DLG2: variants seen among roughly 807,000 people sequenced by gnomAD.
The protein encoded by DLG2 is disks large homolog 2.
Under a neutral mutation model 132.5 loss-of-function variants are expected in DLG2, and 45 were observed. The observed-to-expected ratio is 0.34, with a 90% CI of 0.27 to 0.44. The LOEUF is 0.44. Among genes scored for constraint, DLG2 ranks in the 20% least tolerant of loss-of-function variants. The pLI is 1.00. For missense variants in DLG2, 1,045 were observed against 1,196.9 expected, an observed-to-expected ratio of 0.87 and a Z score of 1.87; for synonymous variants, 424 against 419.6, an observed-to-expected ratio of 1.01 and a Z score of -0.13.
chr11:85,259,967 A>C (rs1479683186), intron 4 of DLG2, among the ~76,000 whole-genome samples: 1 of 152,148 alleles, frequency 6.6e-6, no homozygotes, highest in Admixed American at 6.6e-5. Context: ...GTAAATGAAG[A>C]AATATGTTGG....
At chr11:84,294,979 GT>G (rs1774388234) in intron 7 of DLG2, among the ~76,000 whole-genome samples, 1 of 152,098 alleles carries the variant, frequency 6.6e-6, no homozygotes, top group Non-Finnish European at 1.5e-5. Context: ...AAACTATATT[GT>G]TTTTACTTCA....
intron 18 of DLG2, among the ~76,000 whole-genome samples, chr11:83,660,789 A>T (rs80209808): frequency 0.028 from 4,299 of 152,210 alleles, 194 homozygotes; most frequent in African/African-American, 0.098. Flanking sequence ...AGATAAACAG[A>T]AAGTTGATAA....
At chr11:84,848,473 G>A (rs1326713438) in intron 6 of DLG2, among the ~76,000 whole-genome samples, 1 of 152,026 alleles carries the variant, frequency 6.6e-6, no homozygotes, top group Non-Finnish European at 1.5e-5. Flanking sequence ...CAGCATGTTC[G>A]ACAGAGTGAG....
At chr11:85,023,867 T>C (rs2060289602) in intron 6 of DLG2, among the ~76,000 whole-genome samples, 1 of 152,156 alleles carries the variant, frequency 6.6e-6, no homozygotes, top group Admixed American at 6.5e-5. Flanking sequence ...AGAATTATTA[T>C]GCCCATTTTA....
chr11:85,060,966 G>C (rs948369408), intron 6 of DLG2, among the ~76,000 whole-genome samples: 4 of 150,978 alleles, frequency 2.6e-5, no homozygotes, highest in Admixed American at 6.6e-5. Context: ...TTGTGGTTTT[G>C]ACTTGCATTT....
At chr11:84,013,741 C>T (rs749772423) in intron 11 of DLG2, among the ~76,000 whole-genome samples, 4 of 151,856 alleles carry the variant, frequency 2.6e-5, no homozygotes, top group Non-Finnish European at 5.9e-5. Context: ...GTGGTGCACG[C>T]CTGTAATTCC....
intron 5 of DLG2, among the ~76,000 whole-genome samples, chr11:85,142,098 T>C (rs962194216): frequency 6.6e-6 from 1 of 151,840 alleles, no homozygotes; most frequent in Non-Finnish European, 1.5e-5. Context: ...GTGAAGAATG[T>C]CATTGGTATT....
intron 6 of DLG2, among the ~76,000 whole-genome samples, chr11:84,784,764 A>G (rs1201555179): frequency 2.0e-5 from 3 of 152,114 alleles, no homozygotes; most frequent in African/African-American, 7.2e-5. Context: ...ATCTTATATA[A>G]ATAGAGAGTA....
At chr11:83,817,153 C>A (rs1011479037) in intron 17 of DLG2, among the ~76,000 whole-genome samples, 2 of 152,092 alleles carry the variant, frequency 1.3e-5, no homozygotes, top group Non-Finnish European at 2.9e-5. Flanking sequence ...AAATGGAGTA[C>A]TAAACATGTC....
At chr11:84,624,426 C>T (rs2099618769) in intron 6 of DLG2, among the ~76,000 whole-genome samples, 1 of 152,076 alleles carries the variant, frequency 6.6e-6, no homozygotes, top group African/African-American at 2.4e-5. Context: ...TTGTAAACAT[C>T]TTACAATTGA....
intron 16 of DLG2, among the ~76,000 whole-genome samples, chr11:83,841,743 T>G (rs894690690): frequency 1.3e-5 from 2 of 152,218 alleles, no homozygotes; most frequent in African/African-American, 4.8e-5. Context: ...ATATCAGCAG[T>G]TTTAAAAACA....
chr11:85,333,130 A>T (rs2081887094), intron 3 of DLG2, among the ~76,000 whole-genome samples: 1 of 151,688 alleles, frequency 6.6e-6, no homozygotes, highest in Admixed American at 6.6e-5. Flanking sequence ...TTCTTTCAGC[A>T]AGTGTTCTCA....
At chr11:83,791,266 T>C in intron 17 of DLG2, 1 of 668,842 alleles carries the variant, frequency 1.5e-6, no homozygotes, top group Admixed American at 2.5e-5. Context: ...GGAGAAGGTG[T>C]CCTCATCGGC....
intron 6 of DLG2, among the ~76,000 whole-genome samples, chr11:84,953,955 T>C (rs2051292489): frequency 6.6e-6 from 1 of 152,140 alleles, no homozygotes; most frequent in Admixed American, 6.5e-5. Flanking sequence ...TGCCTTAGTA[T>C]ATACATTGTT....
intron 11 of DLG2, among the ~76,000 whole-genome samples, chr11:84,034,140 T>C (rs2095796245): frequency 6.6e-6 from 1 of 151,886 alleles, no homozygotes; most frequent in Admixed American, 6.6e-5. Flanking sequence ...AGCCACCCCA[T>C]CTTTCAGCAA....
At chr11:84,595,106 C>G (rs1180013934) in intron 6 of DLG2, among the ~76,000 whole-genome samples, 2 of 152,052 alleles carry the variant, frequency 1.3e-5, no homozygotes, top group African/African-American at 4.8e-5. Flanking sequence ...TTGGGGGTCT[C>G]ATACCTATCT....
intron 15 of DLG2, among the ~76,000 whole-genome samples, chr11:83,890,206 G>C (rs1003322220): frequency 4.3e-4 from 65 of 152,118 alleles, no homozygotes; most frequent in African/African-American, 1.5e-3. Flanking sequence ...TCGTATGCCA[G>C]CTAGGATTTT....
Position 83,459,812 on chromosome 11 carries a change from G to A in DLG2, c.*6C>T, listed in dbSNP as rs765094560. The A allele has an allele frequency of 2.0e-6, 3 of 1,524,324 alleles. No homozygotes were observed. In the African/African-American group the frequency reaches 4.1e-5, roughly 21 times the overall value. 94.4% of individuals were successfully genotyped at this position (1,524,324 alleles called of 1,614,324 possible). A position where few individuals can be genotyped will look rare whatever the true frequency, so the allele number is the denominator to read the frequency against. The stretch of plus-strand genomic sequence containing the variant: ...TTCTGTCGTTGTCAGAGGCGCAGTA[G>A]CTAATTTATAACTTTTCCTTTGAGG... On this transcript the variant is annotated 3_prime_UTR_variant, in exon 28 of 28. Transcript: ENST00000376104.
At chr11:85,288,490 C>T (rs753141266) in intron 3 of DLG2, among the ~76,000 whole-genome samples, 11 of 151,702 alleles carry the variant, frequency 7.3e-5, no homozygotes, top group Admixed American at 3.3e-4. Flanking sequence ...ATCATCTTGC[C>T]TCACGTATTA....
Sources: gnomAD v4.1 joint callset for allele counts (sites outside exome capture counted in the v4.1 genomes callset) on GRCh38, gnomAD v4.1.1 for gene constraint, MANE v1.5 for transcripts, NCBI Gene and HGNC (gene_info 2026-07-23, HGNC 2026-07-21) for gene names.